USP38: variants seen among roughly 807,000 people sequenced by gnomAD.
USP38 encodes ubiquitin specific peptidase 38.
Under a neutral mutation model 94.3 loss-of-function variants are expected in USP38, and 49 were observed. The ratio of observed to expected loss-of-function variants is 0.52; its 90% CI spans 0.41 to 0.66. The LOEUF is 0.66. Ranked by LOEUF, USP38 falls within the 30% of genes least tolerant of loss-of-function variation. The pLI is 0.00. For synonymous variants in USP38, 468 were observed against 463.6 expected, an observed-to-expected ratio of 1.01 and a Z score of -0.12; for missense variants, 1,128 against 1,229.4, an observed-to-expected ratio of 0.92 and a Z score of 1.23.
In USP38 at chr4:143,220,542, T is replaced by C; in HGVS notation, c.*86T>C. On this transcript the variant is annotated 3_prime_UTR_variant, in exon 10 of 10. Transcript: ENST00000307017. ...TCAGACTATAACAAATATCTATCTT[T>C]TATTTTTCATTAGACCCTTATACTT... 4 of 1,291,252 alleles carry C rather than the reference T, an allele frequency of 3.1e-6. No individual in the cohort carries two copies. Among genetic ancestry groups the C allele is most frequent in the Non-Finnish European group, 4.1e-6 (4 of 983,922 alleles). 80.0% of individuals were successfully genotyped at this position (1,291,252 alleles called of 1,614,324 possible).
rs570912786 is a variant in USP38 at position 143,221,845 on chromosome 4, A to T, written c.*1389A>T. The T allele has an allele frequency of 1.3e-5, 2 of 152,246 alleles. No individual in the cohort carries two copies. Among genetic ancestry groups the T allele is most frequent in the Non-Finnish European group, 2.9e-5 (2 of 67,964 alleles). The allele number at this position is 152,246 out of a possible 1,614,324, so 9.4% of individuals were successfully genotyped here. A position where few individuals can be genotyped will look rare whatever the true frequency, so the allele number is the denominator to read the frequency against. ...TTTATGACAGTGGTTAAAAAACAGA[A>T]ATCCTCATGTTTATTCCATTACCTC... On this transcript the variant is annotated 3_prime_UTR_variant, in exon 10 of 10. Transcript: ENST00000307017.
chr4:143,200,965 A>G (rs984548823), intron 4 of USP38, among the ~76,000 whole-genome samples: 2 of 152,226 alleles, frequency 1.3e-5, no homozygotes, highest in African/African-American at 4.8e-5. Context: ...AGCAATTTAC[A>G]GATGCAGTGC....
intron 5 of USP38, among the ~76,000 whole-genome samples, chr4:143,204,046 A>G (rs1731792507): frequency 6.7e-6 from 1 of 149,780 alleles, no homozygotes; most frequent in African/African-American, 2.5e-5. Flanking sequence ...CAGTGGTACC[A>G]TTTCTGCTCA....
At chr4:143,209,433 T>G in intron 6 of USP38, 131 bp from the exon 7 acceptor site, 2 of 515,176 alleles carry the variant, frequency 3.9e-6, no homozygotes, top group Non-Finnish European at 3.3e-6. Context: ...GAGGTTTCGG[T>G]GAGCTGAGAT....
intron 2 of USP38, among the ~76,000 whole-genome samples, chr4:143,192,037 C>A (rs1394437023): frequency 4.6e-5 from 7 of 152,310 alleles, no homozygotes; most frequent in African/African-American, 1.7e-4. Context: ...TCTATGCTGG[C>A]AGAGCTTAGT....
In USP38 at chr4:143,185,325, C is replaced by A; in HGVS notation, c.-126C>A. On this transcript the variant is annotated 5_prime_UTR_variant, in exon 1 of 10. Coordinates refer to ENST00000307017, the MANE Select transcript of USP38 (RefSeq NM_032557.6). ...ATGTGGCTGCTGAGGCGGCGGTGGCCGTGGCCCGTCGCGCTGCTGCTGCGG... is the reference window on the plus strand; with the variant it reads ...ATGTGGCTGCTGAGGCGGCGGTGGCAGTGGCCCGTCGCGCTGCTGCTGCGG... 2 of 1,058,200 alleles carry A rather than the reference C, an allele frequency of 1.9e-6. No individual in the cohort carries two copies. The highest frequency in any genetic ancestry group is 1.7e-5 in the South Asian group (1 of 60,446). The allele number at this position is 1,058,200 out of a possible 1,614,324, so 65.6% of individuals were successfully genotyped here.
intron 6 of USP38, among the ~76,000 whole-genome samples, chr4:143,206,636 GC>G (rs1731876378): frequency 6.6e-6 from 1 of 152,192 alleles, no homozygotes; most frequent in Admixed American, 6.5e-5. Context: ...GTTGCAGTGA[GC>G]CAAGATCGTG....
In USP38 at chr4:143,220,601, C is replaced by T. The variant is rs1732300099; in HGVS notation, c.*145C>T. 2.4e-6 allele frequency: 2 copies of T among 818,120 alleles called. No homozygotes were observed. The highest frequency in any genetic ancestry group is 3.3e-6 in the Non-Finnish European group (2 of 600,700). 50.7% of individuals were successfully genotyped at this position (818,120 alleles called of 1,614,324 possible). Reference sequence around the variant, plus strand: ...CACACTCAGTGCTTGTTTTTATTTTCTTGACACATTTATTAACAAAATGCA... The same window carrying T: ...CACACTCAGTGCTTGTTTTTATTTTTTTGACACATTTATTAACAAAATGCA... On this transcript the variant is annotated 3_prime_UTR_variant, in exon 10 of 10. Transcript: ENST00000307017.
At chr4:143,207,516 C>T (rs576909079) in intron 6 of USP38, among the ~76,000 whole-genome samples, 2 of 152,122 alleles carry the variant, frequency 1.3e-5, no homozygotes, top group Non-Finnish European at 2.9e-5. Flanking sequence ...CCAGCCTGGG[C>T]AACACAGTGA....
chr4:143,186,206 C>A, intron 1 of USP38, 74 bp downstream of exon 1: 1 of 1,440,486 alleles, frequency 6.9e-7, no homozygotes, highest in Non-Finnish European at 9.5e-7. Context: ...ACATTCACAC[C>A]ATGTTTTCCT....
At chr4:143,194,969 G>A (rs2149605745) in intron 2 of USP38, among the ~76,000 whole-genome samples, 1 of 151,112 alleles carries the variant, frequency 6.6e-6, no homozygotes, top group South Asian at 2.1e-4. Flanking sequence ...AGTGCAAAAT[G>A]AAGCCATTAC....
At chr4:143,208,960 C>T (rs1731948761) in intron 6 of USP38, among the ~76,000 whole-genome samples, 1 of 150,656 alleles carries the variant, frequency 6.6e-6, no homozygotes, top group African/African-American at 2.4e-5. Flanking sequence ...CGGATGGATA[C>T]CCAGCTGTCC....
At chr4:143,208,476 C>T (rs537484244) in intron 6 of USP38, among the ~76,000 whole-genome samples, 6 of 152,112 alleles carry the variant, frequency 3.9e-5, no homozygotes, top group Admixed American at 2.6e-4. Context: ...TAAGATTGTA[C>T]CTAGAACCTG....
At chr4:143,218,937 A>T (rs1001301636) in intron 9 of USP38, among the ~76,000 whole-genome samples, 2 of 152,070 alleles carry the variant, frequency 1.3e-5, no homozygotes, top group African/African-American at 4.8e-5. Context: ...GATGTTACTT[A>T]TGGCACTTAA....
intron 3 of USP38, among the ~76,000 whole-genome samples, chr4:143,197,430 T>C: frequency 6.6e-6 from 1 of 152,226 alleles, no homozygotes; most frequent in Non-Finnish European, 1.5e-5. Flanking sequence ...GTAAACCCTG[T>C]AAGAGAGAGA....
intron 9 of USP38, 89 bp downstream of exon 9, chr4:143,215,032 GT>G (rs1732146848): frequency 2.3e-6 from 3 of 1,300,900 alleles, no homozygotes; most frequent in Non-Finnish European, 3.1e-6. Context: ...TCTAACATGA[GT>G]TTTTATTAAA....
chr4:143,188,251 C>T (rs958571324), intron 2 of USP38, among the ~76,000 whole-genome samples: 6 of 152,002 alleles, frequency 3.9e-5, no homozygotes, highest in African/African-American at 1.4e-4. Context: ...TTTCACTGCC[C>T]ATTATTGTTT....
In USP38 at chr4:143,221,311, A is replaced by G. The variant is rs983840094; in HGVS notation, c.*855A>G. On this transcript the variant is annotated 3_prime_UTR_variant, in exon 10 of 10. Transcript: ENST00000307017. ...TAATTTTCGTGCTAACATTAAAATT[A>G]TAACTTTTTGAAAGGTAATAGATTT... 1 of 152,580 alleles carries G rather than the reference A, an allele frequency of 6.6e-6. No individual in the cohort carries two copies. Among genetic ancestry groups the G allele is most frequent in the Non-Finnish European group, 1.5e-5 (1 of 68,006 alleles). The allele number at this position is 152,580 out of a possible 1,614,324, so 9.5% of individuals were successfully genotyped here.
In USP38 at chr4:143,220,793, G is replaced by A. The variant is rs1483769794; in HGVS notation, c.*337G>A. 1 of 165,616 alleles carries A rather than the reference G, an allele frequency of 6.0e-6. No homozygotes were observed. The highest frequency in any genetic ancestry group is 2.0e-4 in the South Asian group (1 of 4,942). 10.3% of individuals were successfully genotyped at this position (165,616 alleles called of 1,614,324 possible). A position where few individuals can be genotyped will look rare whatever the true frequency, so the allele number is the denominator to read the frequency against. ...TCTTCAGTTTTACTGAACAAAAAAT[G>A]TAATTTATTTAGCATTCTTTATAAA... On this transcript the variant is annotated 3_prime_UTR_variant, in exon 10 of 10. Coordinates refer to ENST00000307017, the MANE Select transcript of USP38 (RefSeq NM_032557.6).
Sources: allele counts gnomAD v4.1 joint callset (sites outside exome capture counted in the v4.1 genomes callset), GRCh38; gene constraint gnomAD v4.1.1; transcripts MANE v1.5; gene names NCBI Gene and HGNC (gene_info 2026-07-23, HGNC 2026-07-21).